Variants in SWT1 observed in about 807,000 individuals in gnomAD.
The protein encoded by SWT1 is transcriptional protein SWT1.
SWT1 carries 33 observed loss-of-function variants against 107.3 expected under a neutral mutation model. The observed-to-expected ratio is 0.31, with a 90% CI of 0.23 to 0.41. The LOEUF (loss-of-function observed/expected upper bound fraction) is 0.41. SWT1 is among the 10% of genes least tolerant of loss of function. SWT1 has a pLI of 1.00. For synonymous variants in SWT1, 345 were observed against 348.3 expected (o/e 0.99, Z 0.11); for missense variants, 898 against 1,028.9 (o/e 0.87, Z 1.74).
rs573168101 is a variant in SWT1 at position 185,242,772 on chromosome 1, CCTGA to C, written c.2441+11067_2441+11070del. ...TTTAAAATTTACTTCTTGTTTTATA[CCTGA>C]CTAATTCTACCTAATGATTTATTGT... is the stretch of plus-strand genomic sequence containing the variant. On this transcript the variant is annotated intron_variant, in intron 16 of 18. Coordinates refer to ENST00000367500, the MANE Select transcript of SWT1 (RefSeq NM_017673.7). Among the ~76,000 whole-genome samples the C allele has an allele frequency of 2.9e-3, 438 of 152,068 alleles. 4 individuals carry two copies. The highest frequency in any genetic ancestry group is 0.01 in the African/African-American group (415 of 41,480).
At chr1:185,164,758 T>G (rs2102304763) in intron 2 of SWT1, among the ~76,000 whole-genome samples, 1 of 152,372 alleles carries the variant, frequency 6.6e-6, no homozygotes, top group South Asian at 2.1e-4. Context: ...AAGGGAATGT[T>G]GTGGCTGGTT....
chr1:185,276,248 AAT>A (rs1664232308), intron 17 of SWT1, among the ~76,000 whole-genome samples: 1 of 152,170 alleles, frequency 6.6e-6, no homozygotes, highest in African/African-American at 2.4e-5. Context: ...TAATCTGAAA[AAT>A]ATATTTCTTC....
intron 16 of SWT1, among the ~76,000 whole-genome samples, chr1:185,255,953 G>A (rs1281741661): frequency 6.6e-6 from 1 of 151,858 alleles, no homozygotes; most frequent in Non-Finnish European, 1.5e-5. Context: ...GCTTCCTTCA[G>A]GAGCTCTTTT....
intron 10 of SWT1, among the ~76,000 whole-genome samples, chr1:185,201,905 C>A (rs1657912304): frequency 6.6e-6 from 1 of 152,136 alleles, no homozygotes; most frequent in African/African-American, 2.4e-5. Flanking sequence ...CAGCTTCTGC[C>A]TACATTCTGT....
chr1:185,284,971 TCA>T (rs938360126), intron 18 of SWT1, among the ~76,000 whole-genome samples: 1 of 151,388 alleles, frequency 6.6e-6, no homozygotes, highest in Non-Finnish European at 1.5e-5. Flanking sequence ...GCAGCCACAC[TCA>T]CACACAGCTG....
At chr1:185,208,695 C>T (rs992119495) in intron 13 of SWT1, among the ~76,000 whole-genome samples, 1 of 151,548 alleles carries the variant, frequency 6.6e-6, no homozygotes, top group Non-Finnish European at 1.5e-5. Context: ...TTTAAAGCAC[C>T]TAGTCATTTC....
intron 15 of SWT1, among the ~76,000 whole-genome samples, chr1:185,223,679 T>C (rs183868622): frequency 1.3e-4 from 20 of 152,324 alleles, no homozygotes; most frequent in Admixed American, 1.1e-3. Context: ...CAGGGGTACA[T>C]GTGCAAGTTT....
chr1:185,227,963 C>T (rs1333511860), intron 15 of SWT1, among the ~76,000 whole-genome samples: 2 of 151,344 alleles, frequency 1.3e-5, no homozygotes, highest in Admixed American at 1.3e-4. Flanking sequence ...TAGTGGCATG[C>T]ACCTGTGGTC....
chr1:185,166,845 G>A (rs1174458061), intron 3 of SWT1, among the ~76,000 whole-genome samples, 193 bp downstream of exon 3: 3 of 152,116 alleles, frequency 2.0e-5, no homozygotes, highest in Non-Finnish European at 4.4e-5. Flanking sequence ...TGTGGGATTA[G>A]ACAACTGTCA....
intron 9 of SWT1, among the ~76,000 whole-genome samples, chr1:185,186,564 A>G (rs1038562158): frequency 2.6e-5 from 4 of 152,156 alleles, no homozygotes; most frequent in Non-Finnish European, 5.9e-5. Flanking sequence ...AGGGGACACT[A>G]TATTTGGAAA....
At chr1:185,227,482 A>C (rs1660160011) in intron 15 of SWT1, 1 of 575,426 alleles carries the variant, frequency 1.7e-6, no homozygotes. Context: ...GCAGACTATC[A>C]TATCCCTCTC....
intron 10 of SWT1, among the ~76,000 whole-genome samples, chr1:185,190,902 A>G (rs755449442): frequency 6.6e-6 from 1 of 152,194 alleles, no homozygotes; most frequent in Non-Finnish European, 1.5e-5. Flanking sequence ...AGGCAACTTA[A>G]TATCCCTCCA....
intron 17 of SWT1, among the ~76,000 whole-genome samples, chr1:185,274,036 A>G (rs1664069092): frequency 6.6e-6 from 1 of 152,050 alleles, no homozygotes; most frequent in South Asian, 2.1e-4. Flanking sequence ...GACAGTTTTA[A>G]AATCACATAC....
chr1:185,246,954 T>G (rs955389476), intron 16 of SWT1, among the ~76,000 whole-genome samples: 1 of 152,266 alleles, frequency 6.6e-6, no homozygotes, highest in East Asian at 1.9e-4. Context: ...AAAGATCTTC[T>G]AAGATCATTT....
intron 16 of SWT1, among the ~76,000 whole-genome samples, chr1:185,253,816 T>C (rs1662251775): frequency 6.6e-6 from 1 of 151,606 alleles, no homozygotes; most frequent in African/African-American, 2.4e-5. Flanking sequence ...CAACACCATG[T>C]TGAATAGGAG....
At chr1:185,167,615 T>G (rs754773646) in intron 3 of SWT1, among the ~76,000 whole-genome samples, 93 of 152,274 alleles carry the variant, frequency 6.1e-4, no homozygotes, top group Non-Finnish European at 1.2e-3. Flanking sequence ...CTTTACTCAC[T>G]ATTTGCCATT....
At chr1:185,226,922 T>C in intron 15 of SWT1, 1 of 1,157,540 alleles carries the variant, frequency 8.6e-7, no homozygotes, top group Non-Finnish European at 1.3e-6. Context: ...TTTTAACTTC[T>C]TTCTGCGGCG....
intron 16 of SWT1, among the ~76,000 whole-genome samples, chr1:185,257,332 T>A (rs1411431861): frequency 2.0e-5 from 3 of 152,110 alleles, no homozygotes; most frequent in African/African-American, 7.2e-5. Context: ...CCTGGCTGCT[T>A]TGTTTACCTA....
At chr1:185,228,753 G>A (rs1219303199) in intron 15 of SWT1, among the ~76,000 whole-genome samples, 1 of 152,184 alleles carries the variant, frequency 6.6e-6, no homozygotes, top group Non-Finnish European at 1.5e-5. Context: ...GGTAATTACA[G>A]TGTTAGAGAG....
Sources: gnomAD v4.1 joint callset for allele counts (sites outside exome capture counted in the v4.1 genomes callset) on GRCh38, gnomAD v4.1.1 for gene constraint, MANE v1.5 for transcripts, NCBI Gene and HGNC (gene_info 2026-07-23, HGNC 2026-07-21) for gene names.